ZFYVE9: variants seen among roughly 807,000 people sequenced by gnomAD.
ZFYVE9 encodes zinc finger FYVE-type containing 9.
ZFYVE9 carries 43 observed loss-of-function variants against 126.7 expected under a neutral mutation model. That is an observed-to-expected ratio of 0.34 (90% CI 0.27 to 0.44). The LOEUF (loss-of-function observed/expected upper bound fraction) is 0.44, where lower values mean the gene tolerates loss of function less well. Ranked by LOEUF, ZFYVE9 falls within the 20% of genes least tolerant of loss-of-function variation. ZFYVE9 has a pLI of 1.00. For missense variants in ZFYVE9, 1,476 were observed against 1,697.0 expected (o/e 0.87, Z 2.29); for synonymous variants, 521 against 597.4 (o/e 0.87, Z 1.87).
intron 1 of ZFYVE9, among the ~76,000 whole-genome samples, chr1:52,155,483 C>G (rs1182466025): frequency 1.3e-5 from 2 of 152,172 alleles, no homozygotes; most frequent in Admixed American, 1.3e-4. Flanking sequence ...GTCCACCCGC[C>G]TCGGCCTCCC....
chr1:52,261,226 C>CT (rs954031127), intron 4 of ZFYVE9, among the ~76,000 whole-genome samples: 2,807 of 132,102 alleles, frequency 0.021, 45 homozygotes, highest in South Asian at 0.055. Flanking sequence ...TTCTTTCTTT[C>CT]TTTTTTTTTT....
intron 1 of ZFYVE9, among the ~76,000 whole-genome samples, chr1:52,183,844 T>G (rs1170532216): frequency 1.6e-5 from 2 of 126,762 alleles, no homozygotes; most frequent in Non-Finnish European, 3.2e-5. Context: ...TCAGAGCTTT[T>G]CTTTTCTATC....
At chr1:52,285,776 C>T (rs969839538) in intron 10 of ZFYVE9, among the ~76,000 whole-genome samples, 6 of 152,056 alleles carry the variant, frequency 3.9e-5, no homozygotes, top group Non-Finnish European at 8.8e-5. Context: ...ATCCTGAAAC[C>T]GTCTCCCCTT....
chr1:52,228,243 G>A (rs773316752), intron 2 of ZFYVE9, among the ~76,000 whole-genome samples: 4 of 151,910 alleles, frequency 2.6e-5, no homozygotes, highest in Admixed American at 6.6e-5. Context: ...CACACCCAGC[G>A]AATTTTTAAA....
At chr1:52,330,357 CAA>C (rs745936904) in intron 13 of ZFYVE9, among the ~76,000 whole-genome samples, 2 of 152,170 alleles carry the variant, frequency 1.3e-5, no homozygotes, top group African/African-American at 4.8e-5. Context: ...GCCTGGGCAA[CAA>C]GAGCGAAACT....
At chr1:52,254,354 T>C (rs905537758) in intron 4 of ZFYVE9, among the ~76,000 whole-genome samples, 7 of 142,412 alleles carry the variant, frequency 4.9e-5, no homozygotes, top group African/African-American at 1.8e-4. Flanking sequence ...TAACATGTAA[T>C]AAAGCTCACA....
chr1:52,237,862 C>T lies in ZFYVE9; in HGVS notation c.445C>T (p.Leu149Phe). 2 of 1,613,990 alleles carry T rather than the reference C, an allele frequency of 1.2e-6. No individual in the cohort carries two copies. Among genetic ancestry groups the T allele is most frequent in the Non-Finnish European group, 1.7e-6 (2 of 1,179,956 alleles). Residue 149 changes from leucine to phenylalanine, a missense_variant, in exon 4 of 19, where the codon CTT becomes TTT. Physicochemically the swap from Leu to Phe is conservative, Grantham distance 22 (BLOSUM62 0). This residue lies in a region of ZFYVE9 where 807 missense variants were observed against 794.6 expected (regional missense o/e 1.02). Transcript: ENST00000287727. ...TTGTCTGCCAGATGAGAAGAATGTT[C>T]TTGTTGTAGCCGTCATGCATAACTG... is the stretch of plus-strand genomic sequence containing the variant. The part of the protein sequence containing the change: ...LACLPDEKNV[L>F]VVAVMHNCDK...
chr1:52,146,589 T>A (rs61782485), intron 1 of ZFYVE9, among the ~76,000 whole-genome samples: 1 of 151,932 alleles, frequency 6.6e-6, no homozygotes, highest in Non-Finnish European at 1.5e-5. Flanking sequence ...AAGTATTAAA[T>A]GATATAATGG....
chr1:52,200,169 ATTTTTAT>A (rs1377460961), intron 1 of ZFYVE9, among the ~76,000 whole-genome samples: 2 of 151,774 alleles, frequency 1.3e-5, no homozygotes. Context: ...GCAGAGCAGA[ATTTTTAT>A]TTTTTATTTT....
At chr1:52,254,213 A>C in intron 4 of ZFYVE9, 1 of 471,480 alleles carries the variant, frequency 2.1e-6, no homozygotes, top group Admixed American at 3.1e-5. Context: ...CATTAAACGT[A>C]TCTTTGTTTT....
chr1:52,280,576 C>T (rs1645793529), intron 9 of ZFYVE9, among the ~76,000 whole-genome samples: 1 of 151,974 alleles, frequency 6.6e-6, no homozygotes, highest in Non-Finnish European at 1.5e-5. Context: ...TTGGGGATCC[C>T]ATTGTGTTGG....
chr1:52,338,987 A>G (rs2147875488), intron 16 of ZFYVE9, among the ~76,000 whole-genome samples: 1 of 152,318 alleles, frequency 6.6e-6, no homozygotes, highest in South Asian at 2.1e-4. Flanking sequence ...TCCGGCCTGG[A>G]CAACAAGAGC....
chr1:52,216,765 G>A (rs1330441822), intron 2 of ZFYVE9, among the ~76,000 whole-genome samples: 1 of 152,110 alleles, frequency 6.6e-6, no homozygotes, highest in African/African-American at 2.4e-5. Flanking sequence ...GAAAAAATAT[G>A]GATTTGAGCA....
chr1:52,254,143 T>C (rs1051131441), intron 4 of ZFYVE9: 7 of 716,670 alleles, frequency 9.8e-6, no homozygotes, highest in African/African-American at 1.8e-5. Flanking sequence ...TTCCTAGATG[T>C]ACAACTATAG....
intron 4 of ZFYVE9, among the ~76,000 whole-genome samples, chr1:52,240,551 C>G (rs1467649919): frequency 6.6e-6 from 1 of 152,094 alleles, no homozygotes; most frequent in Non-Finnish European, 1.5e-5. Flanking sequence ...GTTTGACCCC[C>G]CAGTGACTTA....
chr1:52,203,537 CTA>C (rs1572097866), intron 1 of ZFYVE9, among the ~76,000 whole-genome samples: 1 of 133,388 alleles, frequency 7.5e-6, no homozygotes, highest in Admixed American at 7.9e-5. Flanking sequence ...TTGAATATAA[CTA>C]TGTATAGGTT....
At chr1:52,336,931 C>G (rs1557526374) in intron 15 of ZFYVE9, among the ~76,000 whole-genome samples, 1 of 131,100 alleles carries the variant, frequency 7.6e-6, no homozygotes, top group Non-Finnish European at 1.6e-5. Context: ...GCGCTCCAAC[C>G]TGGGCAGTCA....
At chr1:52,334,512 G>A (rs1646371776) in intron 14 of ZFYVE9, among the ~76,000 whole-genome samples, 176 bp from the exon 15 acceptor site, 1 of 152,176 alleles carries the variant, frequency 6.6e-6, no homozygotes, top group Non-Finnish European at 1.5e-5. Context: ...AGTTCCCAAA[G>A]CTGTTGTAAG....
At chr1:52,304,835 G>A (rs1646067741) in intron 13 of ZFYVE9, among the ~76,000 whole-genome samples, 1 of 151,708 alleles carries the variant, frequency 6.6e-6, no homozygotes, top group Admixed American at 6.6e-5. Flanking sequence ...TAGCTAGAAT[G>A]TGTGCTTACT....
Sources: allele counts gnomAD v4.1 joint callset (sites outside exome capture counted in the v4.1 genomes callset), GRCh38; gene constraint gnomAD v4.1.1; regional missense constraint gnomAD v4.1.1; transcripts MANE v1.5; gene names NCBI Gene and HGNC (gene_info 2026-07-23, HGNC 2026-07-21).